Variants in WLS observed in about 807,000 individuals in gnomAD.
WLS encodes protein wntless homolog.
WLS carries 23 observed loss-of-function variants against 62.8 expected under a neutral mutation model. The observed-to-expected ratio is 0.37, with a 90% confidence interval of 0.26 to 0.52. The LOEUF is 0.52. WLS is among the 20% of genes least tolerant of loss of function. The pLI, the probability that WLS is intolerant of heterozygous loss-of-function variation, is 0.92. For synonymous variants in WLS, 246 were observed against 244.1 expected (o/e 1.01, Z -0.07); for missense variants, 615 against 697.3 (o/e 0.88, Z 1.33).
chr1:68,196,995 G>C (rs188542263), intron 1 of WLS, among the ~76,000 whole-genome samples: 2 of 151,994 alleles, frequency 1.3e-5, no homozygotes, highest in Admixed American at 6.6e-5. Flanking sequence ...TTCTATTTTC[G>C]GCTAACATAC....
chr1:68,217,872 C>A (rs377340257), intron 1 of WLS, among the ~76,000 whole-genome samples: 1 of 152,150 alleles, frequency 6.6e-6, no homozygotes, highest in Non-Finnish European at 1.5e-5. Context: ...AAGGACACAG[C>A]GGTTGATTAA....
intron 1 of WLS, among the ~76,000 whole-genome samples, chr1:68,212,740 G>A (rs1223459949): frequency 2.0e-5 from 3 of 152,102 alleles, no homozygotes; most frequent in Non-Finnish European, 4.4e-5. Flanking sequence ...AAAGATAAAT[G>A]CCTTCATATA....
rs112912526 is a variant in WLS at position 68,162,494 on chromosome 1, T to A, written c.380-3247A>T. 44 of 1,613,642 alleles carry A rather than the reference T, an allele frequency of 2.7e-5. 1 individual carries two copies. The African/African-American group carries it at 4.8e-4, about 18-fold the overall frequency. Reference sequence around the variant, plus strand: ...AATATGACGCTGAATCCAAAGGCCTTGGCTCGAACTGCAACCGCCTACCCC... The same window carrying A: ...AATATGACGCTGAATCCAAAGGCCTAGGCTCGAACTGCAACCGCCTACCCC... On this transcript the variant is annotated intron_variant, in intron 2 of 11. Coordinates refer to ENST00000262348, the MANE Select transcript of WLS (RefSeq NM_024911.7).
chr1:68,155,820 C>T (rs904950952), intron 3 of WLS, among the ~76,000 whole-genome samples: 4 of 152,008 alleles, frequency 2.6e-5, no homozygotes, highest in Admixed American at 6.6e-5. Flanking sequence ...CACAAGGAGC[C>T]GTTGGTATTT....
At chr1:68,161,820 G>T (rs1646979042) in intron 2 of WLS, 2 of 1,604,338 alleles carry the variant, frequency 1.2e-6, no homozygotes, top group Admixed American at 3.3e-5. Flanking sequence ...AGGGCGCCTG[G>T]GAAGGATGTG....
rs556439137 is a variant in WLS, at chr1:68,103,819, A to C, written c.1511-5066T>G. 4.2e-3 allele frequency among the ~76,000 whole-genome samples: 633 copies of C among 152,308 alleles called. 5 individuals are homozygous for C. Among genetic ancestry groups the C allele is most frequent in the African/African-American group, 0.015 (606 of 41,572 alleles). On this transcript the variant is annotated intron_variant, in intron 11 of 11. Coordinates refer to the WLS transcript ENST00000354777. The stretch of plus-strand genomic sequence containing the variant: ...ACCCACATGCTGCTTGGGCACTGCC[A>C]AAAATGGAGAACTTGCTCCTTCCCA...
intron 11 of WLS, among the ~76,000 whole-genome samples, chr1:68,135,216 C>T (rs189143632): frequency 1.3e-5 from 2 of 151,778 alleles, no homozygotes; most frequent in East Asian, 1.9e-4. Context: ...TCATGGCTTA[C>T]TGCAGCCTCA....
At chr1:68,150,553 C>A (rs916058055) in intron 5 of WLS, among the ~76,000 whole-genome samples, 197 bp from the exon 6 acceptor site, 1 of 152,176 alleles carries the variant, frequency 6.6e-6, no homozygotes, top group Non-Finnish European at 1.5e-5. Flanking sequence ...GCTATACCAA[C>A]CTTTCTATGG....
intron 6 of WLS, 144 bp downstream of exon 6, chr1:68,150,044 G>A: frequency 1.3e-6 from 1 of 789,548 alleles, no homozygotes; most frequent in Non-Finnish European, 2.0e-6. Context: ...GAACCAGAGG[G>A]TCTGCCTCCA....
At chr1:68,190,824 G>A (rs918464269) in intron 2 of WLS, among the ~76,000 whole-genome samples, 38 of 152,300 alleles carry the variant, frequency 2.5e-4, no homozygotes, top group African/African-American at 6.7e-4. Context: ...TTGGGAGGCC[G>A]AAGTGAGTGG....
At chr1:68,135,284 G>T (rs974081823) in intron 11 of WLS, among the ~76,000 whole-genome samples, 6 of 149,854 alleles carry the variant, frequency 4.0e-5, no homozygotes, top group African/African-American at 1.2e-4. Context: ...TGGGACTACA[G>T]GTGCACACCA....
At chr1:68,138,062 A>C in intron 10 of WLS, 129 bp from the exon 11 acceptor site, 1 of 1,030,682 alleles carries the variant, frequency 9.7e-7, no homozygotes. Flanking sequence ...AGGGCCATGT[A>C]AGACTCCATC....
chr1:68,205,750 C>A (rs1247421325), intron 1 of WLS, among the ~76,000 whole-genome samples: 1 of 152,224 alleles, frequency 6.6e-6, no homozygotes, highest in African/African-American at 2.4e-5. Context: ...ACACTCCCTT[C>A]TAAAAGCATC....
At chr1:68,129,893 C>CT (rs1646493414) in intron 11 of WLS, among the ~76,000 whole-genome samples, 1 of 152,192 alleles carries the variant, frequency 6.6e-6, no homozygotes, top group South Asian at 2.1e-4. Flanking sequence ...GAAAAGAATG[C>CT]TTTAGTTTGC....
chr1:68,165,930 T>C (rs1647053602), intron 2 of WLS, among the ~76,000 whole-genome samples: 1 of 152,246 alleles, frequency 6.6e-6, no homozygotes, highest in African/African-American at 2.4e-5. Flanking sequence ...ATGTTTGTAG[T>C]GGGCCTGGTT....
At chr1:68,209,599 A>C (rs1313494789) in intron 1 of WLS, among the ~76,000 whole-genome samples, 1 of 152,106 alleles carries the variant, frequency 6.6e-6, no homozygotes, top group African/African-American at 2.4e-5. Context: ...ACCAACATGG[A>C]GAAAACCCGT....
intron 2 of WLS, chr1:68,162,393 C>T: frequency 1.9e-6 from 3 of 1,613,870 alleles, no homozygotes; most frequent in Non-Finnish European, 2.5e-6. Flanking sequence ...CGCTCTGATA[C>T]AGCAAATCCT....
chr1:68,118,488 C>G (rs1188660601), intron 11 of WLS, among the ~76,000 whole-genome samples: 1 of 152,086 alleles, frequency 6.6e-6, no homozygotes, highest in Non-Finnish European at 1.5e-5. Context: ...ACCTTACTAT[C>G]TATTGCCTCC....
At chr1:68,124,051 A>ACC (rs1428591013), downstream of WLS, among the ~76,000 whole-genome samples, 1 of 152,008 alleles carries the variant, frequency 6.6e-6, no homozygotes, top group Non-Finnish European at 1.5e-5. Flanking sequence ...CCGAAACCCC[A>ACC]CCCATTCCCT....
Sources: allele counts gnomAD v4.1 joint callset (sites outside exome capture counted in the v4.1 genomes callset), GRCh38; gene constraint gnomAD v4.1.1; transcripts MANE v1.5; gene names NCBI Gene and HGNC (gene_info 2026-07-23, HGNC 2026-07-21).